Variants in SYNPR observed in about 807,000 individuals in gnomAD.
The protein encoded by SYNPR is synaptoporin.
SYNPR carries 23 observed loss-of-function variants against 32.9 expected under a neutral mutation model. The ratio of observed to expected loss-of-function variants is 0.70; its 90% CI spans 0.50 to 0.99. The LOEUF (loss-of-function observed/expected upper bound fraction) is 0.99. SYNPR is among the 50% of genes least tolerant of loss of function. SYNPR has a pLI of 0.00. For missense variants in SYNPR, 318 were observed against 349.3 expected (o/e 0.91, Z 0.71); for synonymous variants, 146 against 135.9 (o/e 1.07, Z -0.52).
chr3:63,390,014 G>C (rs1363648476), intron 2 of SYNPR, among the ~76,000 whole-genome samples: 3 of 152,198 alleles, frequency 2.0e-5, no homozygotes, highest in Non-Finnish European at 2.9e-5. Context: ...ACTTCAGTTA[G>C]AAACCTATGA....
intron 2 of SYNPR, among the ~76,000 whole-genome samples, chr3:63,352,934 G>A (rs2087528991): frequency 6.6e-6 from 1 of 152,212 alleles, no homozygotes; most frequent in African/African-American, 2.4e-5. Context: ...TCCCTCCCAT[G>A]ACATGTGGGA....
chr3:63,299,392 T>G (rs576174553), intron 2 of SYNPR, among the ~76,000 whole-genome samples: 51 of 152,296 alleles, frequency 3.3e-4, no homozygotes, highest in Admixed American at 1.2e-3. Flanking sequence ...TTTTGTTTTT[T>G]TGTTTTGTTT....
intron 3 of SYNPR, among the ~76,000 whole-genome samples, chr3:63,271,596 T>C (rs997945187): frequency 1.3e-5 from 2 of 152,158 alleles, no homozygotes; most frequent in African/African-American, 4.8e-5. Flanking sequence ...CCTATCTTCA[T>C]CATCTATATG....
At chr3:63,236,017 T>A (rs2086198143) in intron 1 of SYNPR, among the ~76,000 whole-genome samples, 1 of 151,988 alleles carries the variant, frequency 6.6e-6, no homozygotes, top group Non-Finnish European at 1.5e-5. Flanking sequence ...TGTAACTCCA[T>A]GATCCATTTT....
At chr3:63,328,872 A>AT (rs2087194362) in intron 2 of SYNPR, among the ~76,000 whole-genome samples, 1 of 152,178 alleles carries the variant, frequency 6.6e-6, no homozygotes, top group African/African-American at 2.4e-5. Context: ...ATGAGAGGTC[A>AT]GGACCTGTTT....
At chr3:63,325,223 A>G (rs1217501480) in intron 2 of SYNPR, among the ~76,000 whole-genome samples, 1 of 152,140 alleles carries the variant, frequency 6.6e-6, no homozygotes, top group Non-Finnish European at 1.5e-5. Context: ...CAGAACGTTA[A>G]TTAGATCTTG....
intron 2 of SYNPR, among the ~76,000 whole-genome samples, chr3:63,377,822 G>A (rs537839549): frequency 4.3e-4 from 65 of 152,012 alleles, no homozygotes; most frequent in South Asian, 1.2e-3. Flanking sequence ...ATGGAAATTA[G>A]GAGAGTATAG....
At chr3:63,424,016 C>T (rs1699848331) in intron 2 of SYNPR, among the ~76,000 whole-genome samples, 1 of 152,108 alleles carries the variant, frequency 6.6e-6, no homozygotes, top group South Asian at 2.1e-4. Context: ...TCTAAAGAGA[C>T]ATCATGAATA....
chr3:63,553,358 G>A (rs1477697392), intron 3 of SYNPR, among the ~76,000 whole-genome samples: 1 of 152,196 alleles, frequency 6.6e-6, no homozygotes, highest in East Asian at 1.9e-4. Context: ...CACCTGAGTT[G>A]ATTCTGTGTC....
chr3:63,396,420 G>A (rs544547737), intron 2 of SYNPR, among the ~76,000 whole-genome samples: 19 of 152,288 alleles, frequency 1.2e-4, no homozygotes, highest in African/African-American at 4.3e-4. Flanking sequence ...GGAGGAAGGA[G>A]GGGAGAAGTT....
At chr3:63,204,854 A>T in the SYNPR span, among the ~76,000 whole-genome samples, 1 of 151,840 alleles carries the variant, frequency 6.6e-6, no homozygotes, top group African/African-American at 2.4e-5. Context: ...TGCCCGGCTA[A>T]TTTTTGTATT....
chr3:63,264,344 G>C (rs17067983), intron 2 of SYNPR, among the ~76,000 whole-genome samples: 2,410 of 152,144 alleles, frequency 0.016, 54 homozygotes, highest in African/African-American at 0.054. Flanking sequence ...TATGATGCCT[G>C]AATTTAAGCG....
chr3:63,498,516 G>A (rs1267300184), intron 3 of SYNPR, among the ~76,000 whole-genome samples: 1 of 152,054 alleles, frequency 6.6e-6, no homozygotes, highest in African/African-American at 2.4e-5. Flanking sequence ...GAATAATTGG[G>A]GAAACGTTGG....
At chr3:63,502,346 C>A (rs868157354) in intron 3 of SYNPR, among the ~76,000 whole-genome samples, 1 of 151,894 alleles carries the variant, frequency 6.6e-6, no homozygotes, top group African/African-American at 2.4e-5. Context: ...TCAATATCCC[C>A]CACCAGAGTA....
intron 3 of SYNPR, among the ~76,000 whole-genome samples, chr3:63,503,310 T>C (rs1206054484): frequency 6.6e-6 from 1 of 152,138 alleles, no homozygotes; most frequent in East Asian, 1.9e-4. Context: ...TTCCTTATTG[T>C]TGAGGTTTAG....
intron 2 of SYNPR, among the ~76,000 whole-genome samples, chr3:63,384,128 C>G (rs749638500): frequency 1.3e-5 from 2 of 152,234 alleles, no homozygotes; most frequent in East Asian, 3.8e-4. Context: ...ATTCAGTCAT[C>G]TAATGCCTAC....
chr3:63,522,897 T>C (rs1005770703), intron 3 of SYNPR, among the ~76,000 whole-genome samples: 3 of 152,060 alleles, frequency 2.0e-5, no homozygotes, highest in Admixed American at 2.0e-4. Context: ...AGGATGCTCT[T>C]GGAGGGCTCT....
chr3:63,291,828 T>TC (rs2086742113), intron 2 of SYNPR, among the ~76,000 whole-genome samples: 4 of 149,640 alleles, frequency 2.7e-5, no homozygotes, highest in Admixed American at 2.7e-4. Flanking sequence ...GTTTCTTTCT[T>TC]TCTCTCTCTC....
In SYNPR at chr3:63,584,628, A is replaced by T. The variant is rs553997679; in HGVS notation, c.409-24497A>T. Among the ~76,000 whole-genome samples the T allele has an allele frequency of 4.6e-5, 7 of 152,216 alleles. No homozygotes were observed. In the East Asian group the frequency reaches 7.7e-4, roughly 17 times the overall value. ...GTGCTAAGTGAGAAGCTGGGTTGAA[A>T]TCGGGTCCGTGGGTAATATTTAGCA... On this transcript the variant is annotated intron_variant, in intron 4 of 5. Transcript: ENST00000478300.
Sources: gnomAD v4.1 joint callset for allele counts (sites outside exome capture counted in the v4.1 genomes callset) on GRCh38, gnomAD v4.1.1 for gene constraint, MANE v1.5 for transcripts, NCBI Gene and HGNC (gene_info 2026-07-23, HGNC 2026-07-21) for gene names.